The following RDH12 variants were observed in gnomAD, a reference collection of about 807,000 sequenced individuals.
The protein encoded by RDH12 is retinol dehydrogenase 12, also known as all-trans and 9-cis retinol dehydrogenase.
A neutral mutation model predicts 34.0 loss-of-function variants in RDH12; 21 were observed. That is an observed-to-expected ratio of 0.62 (90% CI 0.44 to 0.89). The LOEUF is 0.89. RDH12 is among the 40% of genes least tolerant of loss of function. RDH12 has a pLI of 0.00. For synonymous variants in RDH12, 198 were observed against 169.9 expected, an observed-to-expected ratio of 1.17 and a Z score of -1.29; for missense variants, 394 against 398.6, an observed-to-expected ratio of 0.99 and a Z score of 0.10.
chr14:67,727,466 G>T, intron 7 of RDH12: 1 of 388,488 alleles, frequency 2.6e-6, no homozygotes, highest in Non-Finnish European at 4.8e-6. Context: ...GCAACAGACA[G>T]AGGCTTTTTG....
intron 8 of RDH12, among the ~76,000 whole-genome samples, chr14:67,733,265 A>G (rs2038309592): frequency 6.6e-6 from 1 of 152,200 alleles, no homozygotes; most frequent in Admixed American, 6.5e-5. Context: ...ATGCAAGTGC[A>G]TCTGTCCCCA....
Position 67,730,151 on chromosome 14 carries a change from C to T in RDH12, c.848+771C>T, listed in dbSNP as rs760238662. Among the ~76,000 whole-genome samples the T allele has an allele frequency of 1.2e-4, 19 of 152,126 alleles. 1 individual carries two copies. Among genetic ancestry groups the T allele is most frequent in the Admixed American group, 1.2e-3 (19 of 15,264 alleles). ...AATTCATATAATCATCACAACCCTG[C>T]GAGGCAGGTAATATTACCCCAAGTT... On this transcript the variant is annotated intron_variant, in intron 8 of 8. Coordinates refer to ENST00000551171, the MANE Select transcript of RDH12 (RefSeq NM_152443.3).
intron 8 of RDH12, among the ~76,000 whole-genome samples, 161 bp from the exon 9 acceptor site, chr14:67,733,585 T>C (rs1292232734): frequency 6.6e-6 from 1 of 152,220 alleles, no homozygotes; most frequent in Non-Finnish European, 1.5e-5. Context: ...CACAAATTTG[T>C]TTTTAAAATA....
intron 8 of RDH12, among the ~76,000 whole-genome samples, chr14:67,732,199 G>T (rs2140158405): frequency 6.6e-6 from 1 of 151,796 alleles, no homozygotes; most frequent in East Asian, 1.9e-4. Flanking sequence ...TACTTTGGGA[G>T]GCCAAGGCAG....
Position 67,733,765 on chromosome 14 carries a change from G to A in RDH12, c.868G>A (p.Val290Met). 1 of 1,613,230 alleles carries A rather than the reference G, an allele frequency of 6.2e-7. No homozygotes were observed. The highest frequency in any genetic ancestry group is 8.5e-7 in the Non-Finnish European group (1 of 1,179,404). The change falls in exon 9 of 9, where the codon GTG becomes ATG. Residue 290 changes from valine to methionine, a missense_variant. Physicochemically the swap from Val to Met is conservative, Grantham distance 21 (BLOSUM62 1). Transcript: ENST00000551171. ...KYFSDCKRTW[V>M]SPRARNNKTA... ...CTCCAGTGACTGCAAGAGGACCTGG[G>A]TGTCTCCAAGGGCCCGAAATAACAA...
At chr14:67,709,629 C>G (rs1328049885) in intron 1 of RDH12, among the ~76,000 whole-genome samples, 1 of 152,148 alleles carries the variant, frequency 6.6e-6, no homozygotes, top group Non-Finnish European at 1.5e-5. Flanking sequence ...GTCCCTGGGC[C>G]TTGAGGAGTT....
chr14:67,708,719 T>C (rs935221233), intron 1 of RDH12, among the ~76,000 whole-genome samples: 3 of 152,090 alleles, frequency 2.0e-5, no homozygotes, highest in African/African-American at 7.2e-5. Context: ...TATTTGACTA[T>C]GCTTCCTGTA....
At chr14:67,721,744 T>TATATATATATATGTATAACAC (rs2038125947) in intron 2 of RDH12, among the ~76,000 whole-genome samples, 1 of 812 alleles carries the variant, frequency 1.2e-3, no homozygotes, top group Non-Finnish European at 4.7e-3. Context: ...TGGGGATATA[T>TATATATATATATGTATAACAC]ATATATATAT....
chr14:67,721,244 G>T (rs2038119926), intron 2 of RDH12, among the ~76,000 whole-genome samples: 1 of 152,140 alleles, frequency 6.6e-6, no homozygotes, highest in Admixed American at 6.5e-5. Flanking sequence ...TTCTGTCCAA[G>T]AGAGGAACAC....
At chr14:67,725,560 T>A (rs1479486065) in intron 5 of RDH12, among the ~76,000 whole-genome samples, 1 of 152,172 alleles carries the variant, frequency 6.6e-6, no homozygotes, top group African/African-American at 2.4e-5. Context: ...AGAATCAACC[T>A]TGTGTGGCCA....
intron 1 of RDH12, among the ~76,000 whole-genome samples, chr14:67,715,996 C>A (rs2038065582): frequency 6.6e-6 from 1 of 152,010 alleles, no homozygotes; most frequent in Admixed American, 6.5e-5. Context: ...GAGATAGAGA[C>A]CATCCTGGCT....
At chr14:67,730,606 C>T (rs750515886) in intron 8 of RDH12, among the ~76,000 whole-genome samples, 3 of 152,056 alleles carry the variant, frequency 2.0e-5, no homozygotes, top group Non-Finnish European at 4.4e-5. Flanking sequence ...CTTCTGATCC[C>T]AAGCATTTTT....
Position 67,722,671 on chromosome 14 carries a change from CCTT to C in RDH12, c.35_37del (p.Phe12del), listed in dbSNP as rs1274797842. The C allele has an allele frequency of 1.9e-6, 3 of 1,613,844 alleles. No individual in the cohort carries two copies. Among genetic ancestry groups the C allele is most frequent in the South Asian group, 1.1e-5 (1 of 91,054 alleles). ...CTGGTCACCTTGGGACTGCTCACCTCCTTCTTCTCGTTCCTGTATATGGTAGCT... is the reference window on the plus strand; with the variant it reads ...CTGGTCACCTTGGGACTGCTCACCTCCTTCTCGTTCCTGTATATGGTAGCT... On this transcript the variant is annotated inframe_deletion, in exon 3 of 9. Transcript: ENST00000551171.
intron 6 of RDH12, among the ~76,000 whole-genome samples, chr14:67,726,575 C>T (rs1373559850): frequency 2.0e-5 from 3 of 152,108 alleles, no homozygotes; most frequent in South Asian, 2.1e-4. Flanking sequence ...TGGGGTTCAG[C>T]GTTCAAGGCA....
At chr14:67,715,838 G>C (rs2140125962) in intron 1 of RDH12, among the ~76,000 whole-genome samples, 1 of 152,266 alleles carries the variant, frequency 6.6e-6, no homozygotes, top group South Asian at 2.1e-4. Flanking sequence ...TGCAAACCTT[G>C]GTTCCATGTG....
chr14:67,724,882 A>G (rs1301297186), intron 4 of RDH12, among the ~76,000 whole-genome samples: 3 of 152,220 alleles, frequency 2.0e-5, no homozygotes, highest in African/African-American at 7.2e-5. Context: ...ATCAGAATGT[A>G]AAACCTGGGA....
At chr14:67,730,776 G>A (rs1276022430) in intron 8 of RDH12, among the ~76,000 whole-genome samples, 1 of 152,022 alleles carries the variant, frequency 6.6e-6, no homozygotes, top group Non-Finnish European at 1.5e-5. Flanking sequence ...ACTAGTTTTT[G>A]TATTTTTAGT....
chr14:67,722,813 G>T, intron 3 of RDH12, 103 bp downstream of exon 3: 1 of 997,986 alleles, frequency 1.0e-6, no homozygotes, highest in East Asian at 2.4e-5. Context: ...GCTGACAGAG[G>T]AGAAAGTCAG....
intron 7 of RDH12, chr14:67,727,489 T>TG (rs1309636147): frequency 3.4e-5 from 12 of 354,636 alleles, no homozygotes; most frequent in African/African-American, 8.5e-5. Context: ...TTTTTTGTTT[T>TG]TTTTTTTTTG....
Sources: gnomAD v4.1 joint callset for allele counts (sites outside exome capture counted in the v4.1 genomes callset) on GRCh38, gnomAD v4.1.1 for gene constraint, MANE v1.5 for transcripts, NCBI Gene and HGNC (gene_info 2026-07-23, HGNC 2026-07-21) for gene names.